Variants in SMYD3 observed in about 807,000 individuals in gnomAD.
The protein encoded by SMYD3 is SET and MYND domain containing 3.
In SMYD3, 36 loss-of-function variants were observed where a neutral mutation model predicts 57.7. That is an observed-to-expected ratio of 0.62 (90% CI 0.48 to 0.82). The LOEUF (loss-of-function observed/expected upper bound fraction) is 0.82. SMYD3 is among the 40% of genes least tolerant of loss of function. SMYD3 has a pLI of 0.00. For missense variants in SMYD3, 515 were observed against 538.8 expected (o/e 0.96, Z 0.44); for synonymous variants, 211 against 195.0 (o/e 1.08, Z -0.68).
At chr1:246,409,883 G>C (rs1007332252) in intron 1 of SMYD3, among the ~76,000 whole-genome samples, 2 of 152,090 alleles carry the variant, frequency 1.3e-5, no homozygotes, top group Non-Finnish European at 2.9e-5. Context: ...CCTTGAAGAG[G>C]TCCTTCACGT....
chr1:246,356,489 A>C (rs1194635947), intron 1 of SMYD3, among the ~76,000 whole-genome samples: 1 of 152,254 alleles, frequency 6.6e-6, no homozygotes, highest in South Asian at 2.1e-4. Context: ...TTAATTATTA[A>C]GCTAATCAAG....
In SMYD3 at chr1:246,475,505, G is replaced by A. The variant is rs1438841157; in HGVS notation, c.164+31549C>T. Among the ~76,000 whole-genome samples, 11 of 151,846 alleles carry A rather than the reference G, an allele frequency of 7.2e-5. 1 individual carries two copies. Among genetic ancestry groups the A allele is most frequent in the Admixed American group, 7.2e-4 (11 of 15,232 alleles). On this transcript the variant is annotated intron_variant, in intron 1 of 11. Transcript: ENST00000490107. Reference sequence around the variant, plus strand: ...TAAAAATACAAAAAAAAATAGCCGGGCATGATGGCGCGTGCCTGTAGTCCC... The same window carrying A: ...TAAAAATACAAAAAAAAATAGCCGGACATGATGGCGCGTGCCTGTAGTCCC...
chr1:245,795,070 T>A (rs1426545664), intron 10 of SMYD3, among the ~76,000 whole-genome samples: 1 of 152,196 alleles, frequency 6.6e-6, no homozygotes, highest in Non-Finnish European at 1.5e-5. Flanking sequence ...TTCTCTCCCA[T>A]CTGTCTCTGT....
chr1:245,801,230 T>C (rs780460530), intron 10 of SMYD3, among the ~76,000 whole-genome samples: 4 of 152,240 alleles, frequency 2.6e-5, no homozygotes, highest in Non-Finnish European at 5.9e-5. Flanking sequence ...TTTAAAAATG[T>C]GTTTGATGCT....
intron 5 of SMYD3, among the ~76,000 whole-genome samples, chr1:246,013,152 C>T (rs2059315492): frequency 6.6e-6 from 1 of 152,056 alleles, no homozygotes. Context: ...ATATCTATAG[C>T]TCAGTTTTTT....
At chr1:246,269,229 A>T (rs956350213) in intron 5 of SMYD3, among the ~76,000 whole-genome samples, 3 of 152,096 alleles carry the variant, frequency 2.0e-5, no homozygotes, top group Non-Finnish European at 4.4e-5. Flanking sequence ...CAGATCTCAC[A>T]CTTTAGTTAG....
chr1:246,278,454 C>A lies in SMYD3; in HGVS notation c.531+48747G>T, dbSNP rs193042407. On this transcript the variant is annotated intron_variant, in intron 5 of 11. Coordinates refer to ENST00000490107, the MANE Select transcript of SMYD3 (RefSeq NM_001167740.2). Reference sequence around the variant, plus strand: ...ATAAAACTCCATCTTGCCATCAGATCTTCACTAGAAGCTCTTCTTGCTGAC... The same window carrying A: ...ATAAAACTCCATCTTGCCATCAGATATTCACTAGAAGCTCTTCTTGCTGAC... Among the ~76,000 whole-genome samples the A allele has an allele frequency of 4.6e-5, 7 of 152,296 alleles. No homozygotes were observed. In the East Asian group the frequency reaches 1.4e-3, roughly 29 times the overall value.
intron 5 of SMYD3, among the ~76,000 whole-genome samples, chr1:246,016,594 A>C (rs1287641421): frequency 1.3e-5 from 2 of 151,330 alleles, no homozygotes; most frequent in African/African-American, 4.9e-5. Context: ...AAAAAAGAAG[A>C]AAAAAAAAGA....
chr1:246,140,720 C>T (rs1366774321), intron 5 of SMYD3, among the ~76,000 whole-genome samples: 1 of 152,094 alleles, frequency 6.6e-6, no homozygotes, highest in Non-Finnish European at 1.5e-5. Context: ...TAAAGTGATC[C>T]TCCTGCCTCA....
rs1934585 is a variant in SMYD3 at position 245,806,053 on chromosome 1, C to A, written c.1077-41904G>T. Among the ~76,000 whole-genome samples the A allele has an allele frequency of 3.4e-3, 525 of 152,272 alleles. 2 individuals carry two copies. The highest frequency in any genetic ancestry group is 0.012 in the African/African-American group (489 of 41,550). On this transcript the variant is annotated intron_variant, in intron 10 of 11. Coordinates refer to ENST00000490107, the MANE Select transcript of SMYD3 (RefSeq NM_001167740.2). ...CCATCTATTACAAGTTGAGTGCCTA[C>A]TATGTGTCAGAGAATATGTTAGCTG...
At chr1:246,018,211 G>A (rs2059410677) in intron 5 of SMYD3, among the ~76,000 whole-genome samples, 1 of 152,110 alleles carries the variant, frequency 6.6e-6, no homozygotes, top group Admixed American at 6.6e-5. Context: ...TTCTCTCTGT[G>A]GAATACCAAG....
intron 1 of SMYD3, among the ~76,000 whole-genome samples, chr1:246,488,717 A>G (rs1023303007): frequency 9.9e-5 from 15 of 152,148 alleles, no homozygotes; most frequent in Non-Finnish European, 1.5e-4. Flanking sequence ...GATTTTAAGC[A>G]GGCTGTTATT....
intron 5 of SMYD3, among the ~76,000 whole-genome samples, chr1:246,190,447 T>C (rs112537678): frequency 5.1e-4 from 78 of 152,032 alleles, no homozygotes; most frequent in African/African-American, 1.9e-3. Context: ...TAGCCAGGCG[T>C]GGTGGCAGGC....
intron 5 of SMYD3, among the ~76,000 whole-genome samples, chr1:246,288,129 A>G (rs2064610239): frequency 1.5e-5 from 2 of 130,140 alleles, no homozygotes; most frequent in South Asian, 4.8e-4. Flanking sequence ...GCTGGAGTAC[A>G]GTGGTGCAAT....
chr1:246,346,773 C>T (rs1049217593), intron 2 of SMYD3, among the ~76,000 whole-genome samples: 19 of 152,054 alleles, frequency 1.2e-4, no homozygotes, highest in Non-Finnish European at 2.1e-4. Flanking sequence ...TGGGTGGGGA[C>T]ACAACCAAAC....
In SMYD3 at chr1:246,457,550, A is replaced by AAC. The variant is rs1553351033; in HGVS notation, c.164+49503_164+49504insGT. Among the ~76,000 whole-genome samples, 6 of 75,678 alleles carry AAC rather than the reference A, an allele frequency of 7.9e-5. 1 individual carries two copies. Among genetic ancestry groups the AAC allele is most frequent in the Non-Finnish European group, 1.8e-4 (6 of 33,916 alleles). The allele number at this position is 75,678 out of a possible 152,430, so 49.6% of individuals were successfully genotyped here. A position where few individuals can be genotyped will look rare whatever the true frequency, so the allele number is the denominator to read the frequency against. ...TCTGCCTCAAAAAAAAAAAAAAAAG[A>AAC]AAAGAAAAGAAAAGAAAAGAAAAGA... On this transcript the variant is annotated intron_variant, in intron 1 of 11. Transcript: ENST00000490107.
chr1:245,785,708 C>T (rs994203409), intron 10 of SMYD3, among the ~76,000 whole-genome samples: 10 of 151,716 alleles, frequency 6.6e-5, no homozygotes, highest in Admixed American at 2.6e-4. Flanking sequence ...CAAGAGAGAG[C>T]GAGAGACAGG....
chr1:246,204,138 TATGCTGATA>T (rs2062960813), intron 5 of SMYD3, among the ~76,000 whole-genome samples: 1 of 152,198 alleles, frequency 6.6e-6, no homozygotes, highest in South Asian at 2.1e-4. Flanking sequence ...CCAAGTTTTA[TATGCTGATA>T]ATAAAAACAG....
chr1:246,427,131 A>G (rs1423734240), intron 1 of SMYD3, among the ~76,000 whole-genome samples: 1 of 152,212 alleles, frequency 6.6e-6, no homozygotes, highest in Admixed American at 6.5e-5. Flanking sequence ...CTAGCTACAG[A>G]AAGCAAATGT....
Sources: allele counts gnomAD v4.1 joint callset (sites outside exome capture counted in the v4.1 genomes callset), GRCh38; gene constraint gnomAD v4.1.1; transcripts MANE v1.5; gene names NCBI Gene and HGNC (gene_info 2026-07-23, HGNC 2026-07-21).